The following RANBP2 variants were observed in gnomAD, a reference collection of about 807,000 sequenced individuals.
The protein encoded by RANBP2 is RAN binding protein 2, also known as E3 SUMO-protein ligase RanBP2.
Under a neutral mutation model 303.6 loss-of-function variants are expected in RANBP2, and 57 were observed. The observed-to-expected ratio is 0.19, with a 90% CI of 0.15 to 0.23. The LOEUF (loss-of-function observed/expected upper bound fraction) is 0.23, where lower values mean the gene tolerates loss of function less well. Among genes scored for constraint, RANBP2 ranks in the 10% least tolerant of loss-of-function variants. The pLI, the probability that RANBP2 is intolerant of heterozygous loss-of-function variation, is 1.00. For synonymous variants in RANBP2, 1,167 were observed against 1,301.5 expected (o/e 0.90, Z 2.23); for missense variants, 3,138 against 3,780.8 (o/e 0.83, Z 4.46).
chr2:108,929,377 G>A, the RANBP2 span: 2 of 1,614,092 alleles, frequency 1.2e-6, no homozygotes, highest in Middle Eastern at 1.6e-4. Context: ...CGTAGCCACA[G>A]GACTGTCCAG....
At chr2:109,460,154 G>A in the RANBP2 span, among the ~76,000 whole-genome samples, 1 of 152,244 alleles carries the variant, frequency 6.6e-6, no homozygotes, top group East Asian at 1.9e-4. Context: ...TCAGTCAGAA[G>A]CAGTGCTGTG....
At chr2:109,360,853 T>A in the RANBP2 span, among the ~76,000 whole-genome samples, 1 of 152,224 alleles carries the variant, frequency 6.6e-6, no homozygotes, top group African/African-American at 2.4e-5. Flanking sequence ...TTTAGTATGA[T>A]GTTAAAAAGC....
chr2:109,555,096 CTCTT>C, the RANBP2 span, among the ~76,000 whole-genome samples: 39 of 152,258 alleles, frequency 2.6e-4, no homozygotes, highest in Middle Eastern at 3.4e-3. Context: ...CTTCTAGTTC[CTCTT>C]TCTTTCACTT....
At chr2:108,966,436 T>C in the RANBP2 span, among the ~76,000 whole-genome samples, 1 of 152,216 alleles carries the variant, frequency 6.6e-6, no homozygotes, top group Non-Finnish European at 1.5e-5. Context: ...GAGTGACTCC[T>C]CACAGGGCAC....
chr2:109,614,976 C>T, the RANBP2 span: 1 of 1,538,586 alleles, frequency 6.5e-7, no homozygotes, highest in Non-Finnish European at 8.7e-7. Flanking sequence ...CGACGTGCAG[C>T]CCCTACCGCG....
At chr2:109,399,804 C>T in the RANBP2 span, among the ~76,000 whole-genome samples, 20 of 152,192 alleles carry the variant, frequency 1.3e-4, no homozygotes, top group Non-Finnish European at 2.5e-4. Context: ...TCCCAGTGCC[C>T]GGCAGGGTGA....
the RANBP2 span, among the ~76,000 whole-genome samples, chr2:109,760,604 C>T: frequency 9.1e-4 from 129 of 142,184 alleles, 1 homozygote; most frequent in Non-Finnish European, 1.6e-3. Flanking sequence ...GGGCGGCGGC[C>T]GCTCTGGCGC....
At chr2:108,893,574 A>T in the RANBP2 span, among the ~76,000 whole-genome samples, 2 of 152,052 alleles carry the variant, frequency 1.3e-5, no homozygotes, top group Admixed American at 1.3e-4. Context: ...CAGAATTATA[A>T]AGGAGTCACT....
At chr2:109,627,541 A>C in the RANBP2 span, among the ~76,000 whole-genome samples, 1 of 152,246 alleles carries the variant, frequency 6.6e-6, no homozygotes, top group African/African-American at 2.4e-5. Context: ...TGAGGAAAGC[A>C]CATACATTCT....
the RANBP2 span, among the ~76,000 whole-genome samples, chr2:108,874,804 C>T: frequency 6.6e-6 from 1 of 152,160 alleles, no homozygotes; most frequent in East Asian, 1.9e-4. Context: ...CAGACTATAC[C>T]GTGATTCTCT....
At chr2:109,330,870 C>T in the RANBP2 span, among the ~76,000 whole-genome samples, 1 of 152,200 alleles carries the variant, frequency 6.6e-6, no homozygotes, top group African/African-American at 2.4e-5. Flanking sequence ...CTTAAGGGAC[C>T]AATTCCTCTG....
chr2:108,941,334 C>T, the RANBP2 span, among the ~76,000 whole-genome samples: 8 of 152,182 alleles, frequency 5.3e-5, no homozygotes, highest in Non-Finnish European at 7.3e-5. Context: ...GTGACTCAAA[C>T]GTGAGGCAGG....
chr2:108,937,307 T>C, the RANBP2 span, among the ~76,000 whole-genome samples: 661 of 152,352 alleles, frequency 4.3e-3, 3 homozygotes, highest in African/African-American at 0.015. Context: ...GGGTGGGCTG[T>C]GTCCCTGCAT....
chr2:108,937,703 GTGTA>G, the RANBP2 span, among the ~76,000 whole-genome samples: 41 of 149,398 alleles, frequency 2.7e-4, no homozygotes, highest in Admixed American at 2.6e-3. Context: ...ATGTGTGTGA[GTGTA>G]TGTGTGTGTA....
At chr2:109,469,879 A>G in the RANBP2 span, among the ~76,000 whole-genome samples, 2 of 152,176 alleles carry the variant, frequency 1.3e-5, no homozygotes, top group Non-Finnish European at 2.9e-5. Context: ...CACTGCAACC[A>G]CAACCTCAGA....
At chr2:109,652,999 T>C in the RANBP2 span, among the ~76,000 whole-genome samples, 1 of 152,026 alleles carries the variant, frequency 6.6e-6, no homozygotes, top group Non-Finnish European at 1.5e-5. Flanking sequence ...AGAGAAATAA[T>C]TGCCTTTTGT....
chr2:108,787,308 C>T (rs1222630096), downstream of RANBP2, among the ~76,000 whole-genome samples: 1 of 152,234 alleles, frequency 6.6e-6, no homozygotes, highest in Non-Finnish European at 1.5e-5. Flanking sequence ...CTTGTACCCT[C>T]ACTTGCATTC....
the RANBP2 span, among the ~76,000 whole-genome samples, chr2:108,914,738 C>T: frequency 1.9e-4 from 29 of 152,288 alleles, no homozygotes; most frequent in Non-Finnish European, 3.7e-4. Flanking sequence ...TGGAGAAATC[C>T]GTGAAGTGCA....
At chr2:109,603,905 T>C in the RANBP2 span, among the ~76,000 whole-genome samples, 2 of 151,980 alleles carry the variant, frequency 1.3e-5, no homozygotes, top group African/African-American at 4.8e-5. Flanking sequence ...CTCACACCTG[T>C]AATCCCAGCA....
Sources: allele counts gnomAD v4.1 joint callset (sites outside exome capture counted in the v4.1 genomes callset), GRCh38; gene constraint gnomAD v4.1.1; transcripts MANE v1.5; gene names NCBI Gene and HGNC (gene_info 2026-07-23, HGNC 2026-07-21).